Variants in DIDO1 observed in about 807,000 individuals in gnomAD.
DIDO1 encodes the protein death inducer-obliterator 1, also known as death-inducer obliterator 1.
DIDO1 carries 16 observed loss-of-function variants against 99.4 expected under a neutral mutation model. The observed-to-expected ratio is 0.16, with a 90% CI of 0.11 to 0.24. The LOEUF is 0.24. DIDO1 is among the 10% of genes least tolerant of loss of function. The pLI, the probability that DIDO1 is intolerant of heterozygous loss-of-function variation, is 1.00. For synonymous variants in DIDO1, 1,366 were observed against 1,239.1 expected, an observed-to-expected ratio of 1.10 and a Z score of -2.15; for missense variants, 2,996 against 3,014.0, an observed-to-expected ratio of 0.99 and a Z score of 0.14.
chr20:62,884,109 G>A (rs532784172), intron 15 of DIDO1, among the ~76,000 whole-genome samples: 40 of 152,296 alleles, frequency 2.6e-4, no homozygotes, highest in African/African-American at 9.4e-4. Context: ...CAGACACCAC[G>A]CTCACGTAAA....
At chr20:62,912,797 C>T (rs990620089) in intron 2 of DIDO1, among the ~76,000 whole-genome samples, 2 of 152,148 alleles carry the variant, frequency 1.3e-5, no homozygotes, top group African/African-American at 2.4e-5. Context: ...TTCGGGAGGC[C>T]GAGGCAGGCA....
Position 62,909,692 on chromosome 20 carries a change from C to T in DIDO1, c.1161+7G>A, listed in dbSNP as rs376331665. 1.6e-5 allele frequency: 26 copies of T among 1,611,972 alleles called. No individual in the cohort carries two copies. Among genetic ancestry groups the T allele is most frequent in the Non-Finnish European group, 2.2e-5 (26 of 1,178,278 alleles). Reference sequence around the variant, plus strand: ...CTGAATGCTCGTCTCAGCGGACAAACACTTACAGGCTGGAAGATCTTGAGT... The same window carrying T: ...CTGAATGCTCGTCTCAGCGGACAAATACTTACAGGCTGGAAGATCTTGAGT... On this transcript the variant is annotated splice_region_variant and intron_variant, in intron 4 of 15. Transcript: ENST00000395343.
chr20:62,909,846 A>G lies in DIDO1; in HGVS notation c.1014T>C (p.Ala338=), dbSNP rs1471487021. 3.7e-6 allele frequency: 6 copies of G among 1,614,214 alleles called. 1 individual carries two copies. The East Asian group carries it at 6.7e-5, about 18-fold the overall frequency. ...CATCAGCATCTCCAGGTCTCCATTT[A>G]GCTTCCTGCTGATCTGCCGTTTCTG... The part of the protein sequence containing the change: ...THSETADQQE[A]KWRPGDADGT... The change falls in exon 4 of 16, where the codon GCT becomes GCC. Residue 338 remains alanine (A), a synonymous_variant. Transcript: ENST00000395343.
At chr20:62,908,445 T>G (rs1175222578) in intron 4 of DIDO1, among the ~76,000 whole-genome samples, 1 of 152,178 alleles carries the variant, frequency 6.6e-6, no homozygotes, top group Non-Finnish European at 1.5e-5. Flanking sequence ...GTGAGCTCCT[T>G]CAAGCCAGGA....
chr20:62,893,467 T>C (rs1281302158), intron 12 of DIDO1, among the ~76,000 whole-genome samples, 199 bp downstream of exon 12: 1 of 152,208 alleles, frequency 6.6e-6, no homozygotes, highest in Non-Finnish European at 1.5e-5. Flanking sequence ...TGAGCACAAA[T>C]TTAAATGTCA....
chr20:62,909,514 G>C (rs1420597104), intron 4 of DIDO1, among the ~76,000 whole-genome samples, 185 bp downstream of exon 4: 1 of 152,242 alleles, frequency 6.6e-6, no homozygotes, highest in Non-Finnish European at 1.5e-5. Context: ...ATTAATAGTA[G>C]AGGAGGTAGA....
chr20:62,894,752 A>T lies in DIDO1; in HGVS notation c.2436+58T>A. 1 of 1,553,256 alleles carries T rather than the reference A, an allele frequency of 6.4e-7. No homozygotes were observed. The highest frequency in any genetic ancestry group is 8.7e-7 in the Non-Finnish European group (1 of 1,143,340). On this transcript the variant is annotated intron_variant, in intron 10 of 15. Transcript: ENST00000395343. The surrounding 1 kb of genome is among the most constrained non-coding windows in gnomAD (Gnocchi z 4.4). ...TGCCCAATAATTTAAGATAACCTCAAAACATTTGGGATGGATTAGTCTATT... is the reference window on the plus strand; with the variant it reads ...TGCCCAATAATTTAAGATAACCTCATAACATTTGGGATGGATTAGTCTATT...
chr20:62,902,909 G>C (rs921079988), intron 6 of DIDO1, among the ~76,000 whole-genome samples: 1 of 152,172 alleles, frequency 6.6e-6, no homozygotes, highest in African/African-American at 2.4e-5. Flanking sequence ...CAAAATACTA[G>C]AAATTGCACC....
Position 62,896,983 on chromosome 20 carries a change from G to A in DIDO1, c.1602C>T (p.Asp534=), listed in dbSNP as rs1285169144. ...PSLLYKSTKE[D]RRSEEKAAAM... ...CTGCCGCTTTCTCCTCGGACCTCCT[G>A]TCTTCCTTCGTGGCTACAAAGAAGA... The change falls in exon 7 of 16, where the codon GAC becomes GAT. Residue 534 remains aspartate (D), a synonymous_variant. Transcript: ENST00000395343. The surrounding 1 kb of genome is among the most constrained non-coding windows in gnomAD (Gnocchi z 4.4). 6.2e-7 allele frequency: 1 copy of A among 1,611,820 alleles called. No homozygotes were observed. The highest frequency in any genetic ancestry group is 1.3e-5 in the African/African-American group (1 of 74,844).
intron 4 of DIDO1, among the ~76,000 whole-genome samples, chr20:62,908,319 T>C (rs2064851660): frequency 6.6e-6 from 1 of 152,160 alleles, no homozygotes; most frequent in Non-Finnish European, 1.5e-5. Flanking sequence ...TGAGGGCTTC[T>C]GGAAGGGAAT....
At chr20:62,927,120 G>T (rs562264979), upstream of DIDO1, among the ~76,000 whole-genome samples, 1 of 152,168 alleles carries the variant, frequency 6.6e-6, no homozygotes, top group East Asian at 1.9e-4. Context: ...GGGTGGGGGG[G>T]AGAGAAAGGA....
rs1319423465 is a variant in DIDO1, at chr20:62,907,065, G to A, written c.1374+82C>T. The A allele has an allele frequency of 7.3e-5, 107 of 1,455,928 alleles. 1 individual carries two copies. In the South Asian group the frequency reaches 8.5e-4, roughly 12 times the overall value. The allele number at this position is 1,455,928 out of a possible 1,614,324, so 90.2% of individuals were successfully genotyped here. A position where few individuals can be genotyped will look rare whatever the true frequency, so the allele number is the denominator to read the frequency against. On this transcript the variant is annotated intron_variant, in intron 5 of 15. Coordinates refer to ENST00000395343, the MANE Select transcript of DIDO1 (RefSeq NM_001193369.2). ...CCCCCTACACCTGCCACCCCCACAC[G>A]GTCTACAAACCAACAGTTCTGCGAC...
At position 62,882,094 on chromosome 20, in the gene DIDO1, T is replaced by C. The variant is rs8123160; in HGVS notation, c.3862A>G (p.Thr1288Ala). 2.4e-5 allele frequency: 38 copies of C among 1,613,168 alleles called. No homozygotes were observed. The African/African-American group carries it at 4.7e-4, about 20-fold the overall frequency. The change falls in exon 16 of 16, where the codon ACA becomes GCA. Residue 1288 changes from threonine to alanine, a missense_variant. Transcript: ENST00000395343. ...SLKPAAPSPATAATTAAAAST... is the reference protein window; with the variant it reads ...SLKPAAPSPAAAATTAAAAST... ...GCTGCCGCTGCTGTTGTGGCTGCTG[T>C]GGCTGGGCTGGGGGCTGCAGGTTTG...
At chr20:62,921,693 G>T (rs374668089) in intron 1 of DIDO1, among the ~76,000 whole-genome samples, 1 of 142,098 alleles carries the variant, frequency 7.0e-6, no homozygotes, top group Admixed American at 6.9e-5. Flanking sequence ...GCAATGGAGC[G>T]ACTGATCACG....
chr20:62,901,634 T>C (rs193135869), intron 6 of DIDO1, among the ~76,000 whole-genome samples: 2 of 152,182 alleles, frequency 1.3e-5, no homozygotes, highest in African/African-American at 4.8e-5. Context: ...ACCAAGCAGG[T>C]CAGTTGAGGA....
intron 6 of DIDO1, among the ~76,000 whole-genome samples, chr20:62,901,124 G>A (rs2064665710): frequency 6.6e-6 from 1 of 152,218 alleles, no homozygotes; most frequent in African/African-American, 2.4e-5. Flanking sequence ...TTGCTTTCAT[G>A]TTGCGGGGAA....
At chr20:62,927,332 G>C (rs1036712789), upstream of DIDO1, among the ~76,000 whole-genome samples, 14 of 152,228 alleles carry the variant, frequency 9.2e-5, no homozygotes, top group Admixed American at 6.5e-5. Context: ...TCAAGAGAGG[G>C]GAAAGTGAGG....
intron 4 of DIDO1, among the ~76,000 whole-genome samples, chr20:62,908,947 T>C (rs915519960): frequency 7.9e-5 from 12 of 152,268 alleles, no homozygotes; most frequent in Admixed American, 3.9e-4. Flanking sequence ...CATCTCTGAA[T>C]GCCCAGATGT....
intron 1 of DIDO1, among the ~76,000 whole-genome samples, chr20:62,934,424 G>C (rs1212138946): frequency 1.3e-5 from 2 of 152,104 alleles, no homozygotes; most frequent in Admixed American, 6.5e-5. Flanking sequence ...TAGGACTTCT[G>C]ACCTCCCTAC....
Sources: gnomAD v4.1 joint callset for allele counts (sites outside exome capture counted in the v4.1 genomes callset) on GRCh38, gnomAD v4.1.1 for gene constraint, Gnocchi (gnomAD v3.1) non-coding constraint, MANE v1.5 for transcripts, NCBI Gene and HGNC (gene_info 2026-07-23, HGNC 2026-07-21) for gene names.